Variants in CRIM1 observed in about 807,000 individuals in gnomAD.
CRIM1 encodes the protein cysteine rich transmembrane BMP regulator 1.
A neutral mutation model predicts 116.4 loss-of-function variants in CRIM1; 32 were observed. The ratio of observed to expected loss-of-function variants is 0.27; its 90% CI spans 0.21 to 0.37. The LOEUF is 0.37. Ranked by LOEUF, CRIM1 falls within the 10% of genes least tolerant of loss-of-function variation. The pLI is 1.00. For synonymous variants in CRIM1, 590 were observed against 509.2 expected (o/e 1.16, Z -2.13); for missense variants, 1,331 against 1,354.8 (o/e 0.98, Z 0.28).
chr2:36,382,473 C>A (rs1288396549), intron 1 of CRIM1, among the ~76,000 whole-genome samples: 1 of 134,732 alleles, frequency 7.4e-6, no homozygotes, highest in African/African-American at 2.7e-5. Context: ...TGCCACACAT[C>A]CTGTCTGAAG....
chr2:36,362,514 C>T (rs1253566721), intron 1 of CRIM1, among the ~76,000 whole-genome samples: 1 of 152,146 alleles, frequency 6.6e-6, no homozygotes, highest in Non-Finnish European at 1.5e-5. Context: ...GTGATTTTCT[C>T]TTTGTTCTAG....
rs150010677 is a variant in CRIM1 at position 36,542,894 on chromosome 2, G to A, written c.2624-1482G>A. 2.2e-4 allele frequency among the ~76,000 whole-genome samples: 33 copies of A among 152,142 alleles called. No individual in the cohort carries two copies. In the East Asian group the frequency reaches 6.2e-3, roughly 28 times the overall value. On this transcript the variant is annotated intron_variant, in intron 14 of 16. Transcript: ENST00000280527. ...ACCTACCGAATCAGGACCTGTGAGA[G>A]TCAGCACATTTTCTAAGCTCTTTGG...
chr2:36,448,240 T>C (rs1676400174), intron 4 of CRIM1, among the ~76,000 whole-genome samples: 1 of 152,232 alleles, frequency 6.6e-6, no homozygotes. Flanking sequence ...GATTCTCCTC[T>C]GTAATGGTTG....
chr2:36,520,870 T>A (rs1286309304), intron 12 of CRIM1, among the ~76,000 whole-genome samples: 1 of 152,212 alleles, frequency 6.6e-6, no homozygotes, highest in Non-Finnish European at 1.5e-5. Flanking sequence ...TTGTTTCTGG[T>A]TCTTGACTAA....
chr2:36,369,598 T>C (rs985048141), intron 1 of CRIM1, among the ~76,000 whole-genome samples: 1 of 152,198 alleles, frequency 6.6e-6, no homozygotes, highest in Non-Finnish European at 1.5e-5. Flanking sequence ...CAGAACTTTT[T>C]GCCATATAGG....
In CRIM1 at chr2:36,391,330, G is replaced by T. The variant is rs528007032; in HGVS notation, c.332-5284G>T. Reference sequence around the variant, plus strand: ...TTTTTAGTGGAGATGGGGTTTCACCGTGTTAGCCAGGATGGTCTCGATCTC... The same window carrying T: ...TTTTTAGTGGAGATGGGGTTTCACCTTGTTAGCCAGGATGGTCTCGATCTC... On this transcript the variant is annotated intron_variant, in intron 1 of 16. Coordinates refer to ENST00000280527, the MANE Select transcript of CRIM1 (RefSeq NM_016441.3). Among the ~76,000 whole-genome samples the T allele has an allele frequency of 1.2e-4, 18 of 151,258 alleles. No homozygotes were observed. In the South Asian group the frequency reaches 3.8e-3, roughly 32 times the overall value.
At chr2:36,448,873 G>T (rs1451846689) in intron 4 of CRIM1, among the ~76,000 whole-genome samples, 1 of 152,140 alleles carries the variant, frequency 6.6e-6, no homozygotes, top group Non-Finnish European at 1.5e-5. Context: ...CAGAAAGCCA[G>T]ATTCCCAAGC....
intron 14 of CRIM1, among the ~76,000 whole-genome samples, chr2:36,543,501 A>T (rs1347969820): frequency 4.8e-5 from 3 of 62,462 alleles, no homozygotes; most frequent in African/African-American, 2.2e-4. Flanking sequence ...ATTGCTTTAT[A>T]AAAAAATCAG....
chr2:36,400,697 C>T (rs935907849), intron 2 of CRIM1, among the ~76,000 whole-genome samples: 2 of 152,018 alleles, frequency 1.3e-5, no homozygotes, highest in Admixed American at 1.3e-4. Context: ...TTTCAATTTA[C>T]ACAAGAAGGT....
At chr2:36,527,922 G>C (rs1012682578) in intron 13 of CRIM1, among the ~76,000 whole-genome samples, 8 of 151,810 alleles carry the variant, frequency 5.3e-5, no homozygotes, top group African/African-American at 1.9e-4. Flanking sequence ...TGGAGCCAGA[G>C]CATTATAATC....
chr2:36,415,524 ACCCATAT>A (rs1229447061), intron 2 of CRIM1, among the ~76,000 whole-genome samples: 3 of 152,270 alleles, frequency 2.0e-5, no homozygotes, highest in African/African-American at 7.2e-5. Flanking sequence ...TGTCAACACA[ACCCATAT>A]CCCAATTTGT....
chr2:36,412,278 G>T (rs1673268356), intron 2 of CRIM1, among the ~76,000 whole-genome samples: 1 of 149,478 alleles, frequency 6.7e-6, no homozygotes. Context: ...CTACAAATGG[G>T]GGCGCAGGGG....
At chr2:36,546,946 G>C (rs1667389751) in intron 15 of CRIM1, 38 bp from the exon 16 acceptor site, 1 of 1,191,982 alleles carries the variant, frequency 8.4e-7, no homozygotes, top group Admixed American at 2.1e-5. Context: ...AACAATTCTG[G>C]TTTAGGTAAT....
At chr2:36,362,731 A>G (rs768651051) in intron 1 of CRIM1, among the ~76,000 whole-genome samples, 1 of 152,198 alleles carries the variant, frequency 6.6e-6, no homozygotes, top group African/African-American at 2.4e-5. Context: ...GGTAAACACT[A>G]AACTCTTACG....
At chr2:36,525,052 A>G (rs1665663706) in intron 13 of CRIM1, among the ~76,000 whole-genome samples, 1 of 152,202 alleles carries the variant, frequency 6.6e-6, no homozygotes, top group Non-Finnish European at 1.5e-5. Context: ...TGATGCACGT[A>G]TAATTTTATC....
chr2:36,470,420 G>A (rs1678406013), intron 5 of CRIM1, among the ~76,000 whole-genome samples: 1 of 152,180 alleles, frequency 6.6e-6, no homozygotes, highest in Non-Finnish European at 1.5e-5. Context: ...TAACAAGAGA[G>A]AAGCAGTCAA....
chr2:36,476,653 A>G (rs1678996051), intron 5 of CRIM1, among the ~76,000 whole-genome samples: 1 of 152,168 alleles, frequency 6.6e-6, no homozygotes, highest in South Asian at 2.1e-4. Flanking sequence ...GTCAGTGTAG[A>G]TTTTCCTAGG....
chr2:36,547,159 A>G lies in CRIM1; in HGVS notation c.2922A>G (p.Arg974=). ...GGATACCACTGCTTTGCTGGTATCG[A>G]ACACCAACTAAGGTACTGTCTTGCA... The part of the protein sequence containing the change: ...KQWIPLLCWY[R]TPTKPSSLNN... Residue 974 remains arginine, a synonymous_variant, in exon 16 of 17, where the codon CGA becomes CGG. Coordinates refer to ENST00000280527, the MANE Select transcript of CRIM1 (RefSeq NM_016441.3). The G allele has an allele frequency of 7.4e-6, 12 of 1,611,836 alleles. No individual in the cohort carries two copies. Among genetic ancestry groups the G allele is most frequent in the South Asian group, 1.1e-5 (1 of 90,744 alleles).
At chr2:36,405,294 C>G (rs1041611136) in intron 2 of CRIM1, among the ~76,000 whole-genome samples, 3 of 152,136 alleles carry the variant, frequency 2.0e-5, no homozygotes, top group Non-Finnish European at 4.4e-5. Flanking sequence ...AGAATTTCCT[C>G]TTAATGTTCC....
Sources: gnomAD v4.1 joint callset for allele counts (sites outside exome capture counted in the v4.1 genomes callset) on GRCh38, gnomAD v4.1.1 for gene constraint, MANE v1.5 for transcripts, NCBI Gene and HGNC (gene_info 2026-07-23, HGNC 2026-07-21) for gene names.